RBMS3: variants seen among roughly 807,000 people sequenced by gnomAD.
The protein encoded by RBMS3 is RNA-binding motif, single-stranded-interacting protein 3.
RBMS3 carries 27 observed loss-of-function variants against 66.8 expected under a neutral mutation model. The observed-to-expected ratio is 0.40, with a 90% confidence interval of 0.30 to 0.56. The LOEUF is 0.56. Ranked by LOEUF, RBMS3 falls within the 20% of genes least tolerant of loss-of-function variation. The pLI, the probability that RBMS3 is intolerant of heterozygous loss-of-function variation, is 0.40. For synonymous variants in RBMS3, 188 were observed against 183.0 expected, an observed-to-expected ratio of 1.03 and a Z score of -0.22; for missense variants, 513 against 549.5, an observed-to-expected ratio of 0.93 and a Z score of 0.66.
chr3:29,976,392 CT>C (rs925110941), intron 12 of RBMS3, among the ~76,000 whole-genome samples: 2 of 152,032 alleles, frequency 1.3e-5, no homozygotes. Flanking sequence ...TAACTGTCTA[CT>C]TTGTTATTTC....
At chr3:29,765,999 A>G (rs1218491757) in intron 6 of RBMS3, 3 of 152,026 alleles carry the variant, frequency 2.0e-5, no homozygotes, top group Non-Finnish European at 1.5e-5. Context: ...ACCTGCACCC[A>G]TGATTCAATT....
intron 1 of RBMS3, among the ~76,000 whole-genome samples, chr3:29,376,629 C>T (rs1282474505): frequency 6.6e-6 from 1 of 152,118 alleles, no homozygotes; most frequent in Non-Finnish European, 1.5e-5. Context: ...AAAAAACGAC[C>T]AGGCGCAGTG....
At chr3:29,712,994 CTT>C (rs1263337443) in intron 4 of RBMS3, among the ~76,000 whole-genome samples, 7 of 152,100 alleles carry the variant, frequency 4.6e-5, no homozygotes, top group African/African-American at 1.7e-4. Context: ...AGAGATATCT[CTT>C]ATTGGTTCTG....
At chr3:29,682,105 C>T (rs1027787607) in intron 4 of RBMS3, among the ~76,000 whole-genome samples, 1 of 152,168 alleles carries the variant, frequency 6.6e-6, no homozygotes, top group Non-Finnish European at 1.5e-5. Context: ...GCTCACCAAT[C>T]TTACGAAAGG....
intron 14 of RBMS3, 142 bp downstream of exon 14, chr3:29,991,351 G>T: frequency 7.0e-7 from 1 of 1,420,534 alleles, no homozygotes; most frequent in Non-Finnish European, 9.4e-7. Flanking sequence ...ATGATTATGT[G>T]GGTTTGAAAT....
chr3:29,395,938 C>T (rs2039526301), intron 1 of RBMS3, among the ~76,000 whole-genome samples: 1 of 152,100 alleles, frequency 6.6e-6, no homozygotes, highest in African/African-American at 2.4e-5. Context: ...ATGGACAAAT[C>T]TAGGGAAGAG....
intron 4 of RBMS3, among the ~76,000 whole-genome samples, chr3:29,723,376 C>T (rs2053725653): frequency 1.3e-5 from 2 of 152,146 alleles, no homozygotes; most frequent in South Asian, 4.1e-4. Context: ...ATTCCTTCTA[C>T]ATTTATTAGC....
At chr3:29,368,656 T>C (rs77030377) in intron 1 of RBMS3, among the ~76,000 whole-genome samples, 3,645 of 147,102 alleles carry the variant, frequency 0.025, 158 homozygotes, top group African/African-American at 0.086. Flanking sequence ...TCTCAATTTG[T>C]ATTAGTCTTT....
chr3:29,916,002 G>T (rs908218303), intron 10 of RBMS3, among the ~76,000 whole-genome samples: 1 of 151,982 alleles, frequency 6.6e-6, no homozygotes, highest in Non-Finnish European at 1.5e-5. Context: ...AAGTTATGTA[G>T]ACAGTCCCAT....
intron 4 of RBMS3, among the ~76,000 whole-genome samples, chr3:29,676,885 A>G (rs1452032388): frequency 2.0e-5 from 3 of 152,106 alleles, no homozygotes; most frequent in Admixed American, 1.3e-4. Flanking sequence ...CCATTCTTGC[A>G]TTGCTATGAA....
At chr3:29,677,993 C>A (rs892930249) in intron 4 of RBMS3, among the ~76,000 whole-genome samples, 6 of 152,122 alleles carry the variant, frequency 3.9e-5, no homozygotes, top group African/African-American at 1.4e-4. Context: ...TGCATGAAAT[C>A]ATGAGTAAGT....
At chr3:29,354,345 T>G (rs1381750534) in intron 1 of RBMS3, among the ~76,000 whole-genome samples, 1 of 152,156 alleles carries the variant, frequency 6.6e-6, no homozygotes, top group African/African-American at 2.4e-5. Flanking sequence ...TAATAGACTT[T>G]TGTTCATTTA....
At chr3:29,596,224 A>T (rs1041448985) in intron 4 of RBMS3, among the ~76,000 whole-genome samples, 3 of 152,230 alleles carry the variant, frequency 2.0e-5, no homozygotes, top group Non-Finnish European at 4.4e-5. Context: ...TACTCTAAAA[A>T]TGATTGGATG....
At chr3:29,696,878 G>T in intron 4 of RBMS3, 1 of 843,334 alleles carries the variant, frequency 1.2e-6, no homozygotes, top group Admixed American at 6.2e-5. Context: ...GGGTGAGGGA[G>T]CTAGGTTATT....
intron 3 of RBMS3, among the ~76,000 whole-genome samples, chr3:29,504,280 G>T (rs1422253673): frequency 1.3e-5 from 2 of 151,992 alleles, no homozygotes; most frequent in African/African-American, 4.8e-5. Context: ...CTCTGTCTTG[G>T]TCCAGGGAGC....
intron 6 of RBMS3, among the ~76,000 whole-genome samples, chr3:29,832,889 C>T (rs2058410865): frequency 6.6e-6 from 1 of 152,150 alleles, no homozygotes; most frequent in African/African-American, 2.4e-5. Context: ...AGCCAGCTCC[C>T]TTAATATACC....
intron 4 of RBMS3, among the ~76,000 whole-genome samples, chr3:29,598,502 CTTAA>C (rs1269659705): frequency 2.6e-5 from 4 of 152,014 alleles, no homozygotes; most frequent in South Asian, 2.1e-4. Flanking sequence ...TTAGTCTATA[CTTAA>C]TTATTTTATA....
chr3:29,314,370 C>T (rs1347565530), intron 1 of RBMS3, among the ~76,000 whole-genome samples: 1 of 151,622 alleles, frequency 6.6e-6, no homozygotes, highest in Non-Finnish European at 1.5e-5. Context: ...TGACAGGGCT[C>T]ACTGTCCTAT....
intron 12 of RBMS3, among the ~76,000 whole-genome samples, chr3:29,950,333 G>A (rs1044922105): frequency 6.6e-6 from 1 of 151,844 alleles, no homozygotes; most frequent in African/African-American, 2.4e-5. Context: ...GCAGCACACA[G>A]CATCACTTAG....
Sources: allele counts gnomAD v4.1 joint callset (sites outside exome capture counted in the v4.1 genomes callset), GRCh38; gene constraint gnomAD v4.1.1; transcripts MANE v1.5; gene names NCBI Gene and HGNC (gene_info 2026-07-23, HGNC 2026-07-21).